Variants in ACACB observed in about 807,000 individuals in gnomAD.
ACACB encodes the protein acetyl-CoA carboxylase beta, also known as acetyl-CoA carboxylase 2.
Under a neutral mutation model 278.8 loss-of-function variants are expected in ACACB, and 209 were observed. The observed-to-expected ratio is 0.75, with a 90% confidence interval of 0.67 to 0.84. The LOEUF (loss-of-function observed/expected upper bound fraction) is 0.84, where lower values mean the gene tolerates loss of function less well. ACACB is among the 40% of genes least tolerant of loss of function. The probability of loss-of-function intolerance (pLI) is 0.00; values close to 1 mark genes in which losing one functional copy is unlikely to be tolerated. For synonymous variants in ACACB, 1,174 were observed against 1,285.6 expected (o/e 0.91, Z 1.86); for missense variants, 2,850 against 3,269.0 (o/e 0.87, Z 3.13).
chr12:109,114,691 T>A (rs770647024), upstream of ACACB, among the ~76,000 whole-genome samples: 937 of 143,184 alleles, frequency 6.5e-3, 6 homozygotes, highest in South Asian at 0.01. Context: ...AAAAAAAAAA[T>A]TTTTTTTTTT....
intron 11 of ACACB, among the ~76,000 whole-genome samples, chr12:109,181,163 C>G (rs760896445): frequency 3.7e-4 from 56 of 150,742 alleles, no homozygotes; most frequent in Non-Finnish European, 6.5e-4. Flanking sequence ...TGGTCTCATT[C>G]TTTTTTATGT....
intron 6 of ACACB, among the ~76,000 whole-genome samples, chr12:109,172,858 G>A (rs1013859265): frequency 5.3e-5 from 8 of 152,170 alleles, no homozygotes; most frequent in South Asian, 2.1e-4. Context: ...CCATAAAGAC[G>A]CATGAACACG....
intron 19 of ACACB, among the ~76,000 whole-genome samples, chr12:109,204,830 C>A (rs2045449589): frequency 4.6e-5 from 7 of 151,986 alleles, no homozygotes; most frequent in Admixed American, 4.6e-4. Flanking sequence ...ACTGTTGTTA[C>A]AATTCTTTTC....
chr12:109,231,294 A>G (rs1356206681), intron 28 of ACACB, among the ~76,000 whole-genome samples: 1 of 152,182 alleles, frequency 6.6e-6, no homozygotes, highest in Non-Finnish European at 1.5e-5. Context: ...AGACTTCTCC[A>G]TGATTTTTTC....
chr12:109,180,169 C>T, intron 11 of ACACB, 82 bp downstream of exon 11: 1 of 1,452,772 alleles, frequency 6.9e-7, no homozygotes, highest in Non-Finnish European at 9.4e-7. Flanking sequence ...TCCATCCCGC[C>T]CATCTCTTGG....
At chr12:109,244,008 A>G (rs1389090744) in intron 37 of ACACB, among the ~76,000 whole-genome samples, 2 of 152,144 alleles carry the variant, frequency 1.3e-5, no homozygotes, top group Non-Finnish European at 2.9e-5. Context: ...TAAACTAAAG[A>G]GCTTCTGCAC....
Position 109,151,636 on chromosome 12 carries a change from C to T in ACACB, c.653+11578C>T, listed in dbSNP as rs2043377836. ...CCCATGGATGGCACAGTCTTTCTAC[C>T]ACGCTGCTGGCCACATGCATGCGGA... is the stretch of plus-strand genomic sequence containing the variant. On this transcript the variant is annotated intron_variant, in intron 2 of 52. Coordinates refer to ENST00000338432, the MANE Select transcript of ACACB (RefSeq NM_001093.4). Among the ~76,000 whole-genome samples, 2 of 152,148 alleles carry T rather than the reference C, an allele frequency of 1.3e-5. 1 individual carries two copies. The highest frequency in any genetic ancestry group is 4.1e-4 in the South Asian group (2 of 4,832).
Position 109,227,430 on chromosome 12 carries a change from C to T in ACACB, c.3942C>T (p.Leu1314=). ...YELNSLQHRQ[L]PDGTCVVEFQ... is the part of the protein sequence containing the mutation. The stretch of plus-strand genomic sequence containing the variant: ...TAAACAGCCTGCAGCACCGGCAGCT[C>T]CCGGACGGCACCTGCGTGGTAGAAT... The change falls in exon 28 of 53, where the codon CTC becomes CTT. Residue 1314 remains leucine (L), a synonymous_variant. Coordinates refer to ENST00000338432, the MANE Select transcript of ACACB (RefSeq NM_001093.4). The T allele has an allele frequency of 6.2e-7, 1 of 1,613,810 alleles. No individual in the cohort carries two copies. The highest frequency in any genetic ancestry group is 8.5e-7 in the Non-Finnish European group (1 of 1,179,922).
chr12:109,201,480 C>A, intron 18 of ACACB, 87 bp from the exon 19 acceptor site: 1 of 1,525,786 alleles, frequency 6.6e-7, no homozygotes, highest in Non-Finnish European at 9.0e-7. Flanking sequence ...TGTCCCGGCG[C>A]GTCCCTGCTC....
rs541709178 is a variant in ACACB at position 109,258,955 on chromosome 12, C to T, written c.6361-18C>T. The T allele has an allele frequency of 4.3e-5, 69 of 1,613,444 alleles. No homozygotes were observed. Among genetic ancestry groups the T allele is most frequent in the South Asian group, 4.1e-4 (37 of 90,966 alleles). The stretch of plus-strand genomic sequence containing the variant: ...TGGTTGTGCAGAGACATCTGATCCC[C>T]GCAGCTCTGTGTTCCAGATAATTCA... On this transcript the variant is annotated intron_variant, in intron 46 of 52. Coordinates refer to ENST00000338432, the MANE Select transcript of ACACB (RefSeq NM_001093.4).
At chr12:109,234,087 G>A (rs772516928) in intron 31 of ACACB, 42 bp downstream of exon 31, 1 of 1,506,358 alleles carries the variant, frequency 6.6e-7, no homozygotes, top group Non-Finnish European at 9.1e-7. Flanking sequence ...GGTTCTTGGA[G>A]AAGGAGGAGG....
intron 9 of ACACB, among the ~76,000 whole-genome samples, chr12:109,176,652 T>C (rs548189494): frequency 6.6e-6 from 1 of 152,370 alleles, no homozygotes; most frequent in African/African-American, 2.4e-5. Flanking sequence ...GAGTTCACTC[T>C]GTCACCCAGG....
chr12:109,197,853 A>G (rs921726290), intron 17 of ACACB, among the ~76,000 whole-genome samples: 3 of 152,110 alleles, frequency 2.0e-5, no homozygotes, highest in Non-Finnish European at 4.4e-5. Context: ...AATGTTTTGG[A>G]AGAAGGAAGA....
At chr12:109,213,523 A>C (rs1053762101) in intron 22 of ACACB, among the ~76,000 whole-genome samples, 40 of 152,218 alleles carry the variant, frequency 2.6e-4, no homozygotes, top group Non-Finnish European at 5.9e-5. Flanking sequence ...TGGATGAATA[A>C]TTGTATTTCA....
intron 20 of ACACB, 140 bp from the exon 21 acceptor site, chr12:109,209,025 C>T: frequency 6.4e-6 from 6 of 933,524 alleles, no homozygotes; most frequent in Non-Finnish European, 9.6e-6. Context: ...TGGACTGCCC[C>T]AGAGGCTGCT....
At chr12:109,214,181 G>A (rs1271830437) in intron 22 of ACACB, among the ~76,000 whole-genome samples, 1 of 152,100 alleles carries the variant, frequency 6.6e-6, no homozygotes, top group African/African-American at 2.4e-5. Flanking sequence ...AGGACTGCTT[G>A]AGCCCAGGAG....
chr12:109,152,204 C>G (rs2043392821), intron 2 of ACACB, among the ~76,000 whole-genome samples: 1 of 152,220 alleles, frequency 6.6e-6, no homozygotes, highest in Non-Finnish European at 1.5e-5. Flanking sequence ...AGTATGCTGG[C>G]AAGCAGTTCT....
chr12:109,265,915 T>A (rs1349868546), intron 52 of ACACB, among the ~76,000 whole-genome samples: 1 of 152,182 alleles, frequency 6.6e-6, no homozygotes, highest in Admixed American at 6.5e-5. Flanking sequence ...CCTCCCCCAA[T>A]TGCCATGGGG....
At chr12:109,194,610 C>CTG (rs144545047) in intron 16 of ACACB, among the ~76,000 whole-genome samples, 10,577 of 95,326 alleles carry the variant, frequency 0.11, 495 homozygotes, top group African/African-American at 0.16. Context: ...GCCTCTGCCT[C>CTG]TGTGTGTGTG....
Sources: gnomAD v4.1 joint callset for allele counts (sites outside exome capture counted in the v4.1 genomes callset) on GRCh38, gnomAD v4.1.1 for gene constraint, MANE v1.5 for transcripts, NCBI Gene and HGNC (gene_info 2026-07-23, HGNC 2026-07-21) for gene names.